The following RPS6KA5 variants were observed in gnomAD, a reference collection of about 807,000 sequenced individuals.
RPS6KA5 encodes ribosomal protein S6 kinase alpha-5.
Under a neutral mutation model 85.5 loss-of-function variants are expected in RPS6KA5, and 27 were observed. The observed-to-expected ratio is 0.32, with a 90% CI of 0.23 to 0.44. The LOEUF is 0.44. Among genes scored for constraint, RPS6KA5 ranks in the 20% least tolerant of loss-of-function variants. The pLI, the probability that RPS6KA5 is intolerant of heterozygous loss-of-function variation, is 1.00. For synonymous variants in RPS6KA5, 334 were observed against 348.2 expected (o/e 0.96, Z 0.46); for missense variants, 811 against 980.9 (o/e 0.83, Z 2.31).
intron 1 of RPS6KA5, among the ~76,000 whole-genome samples, chr14:91,007,401 T>C (rs924045435): frequency 6.6e-6 from 1 of 152,234 alleles, no homozygotes; most frequent in East Asian, 1.9e-4. Context: ...TTGTTAAATA[T>C]TAGTAAATTT....
At chr14:90,951,211 C>T (rs1172027634) in intron 3 of RPS6KA5, among the ~76,000 whole-genome samples, 3 of 150,278 alleles carry the variant, frequency 2.0e-5, no homozygotes, top group Admixed American at 1.3e-4. Flanking sequence ...AGGCTGGGCG[C>T]GGTGGCTCAC....
chr14:91,001,174 G>C lies in RPS6KA5; in HGVS notation c.104-15C>G. ...TGTCAAATTAGCTAAAAGAAAAAAA[G>C]AGGAAAAAAAAAACAAGAGGGTCAG... On this transcript the variant is annotated splice_polypyrimidine_tract_variant and intron_variant, in intron 1 of 16. Transcript: ENST00000614987. The C allele has an allele frequency of 6.4e-7, 1 of 1,555,594 alleles. No homozygotes were observed.
intron 7 of RPS6KA5, among the ~76,000 whole-genome samples, chr14:90,910,951 C>G (rs1016939763): frequency 6.6e-6 from 1 of 152,126 alleles, no homozygotes; most frequent in African/African-American, 2.4e-5. Context: ...TCCCAAAGTG[C>G]TGGGATTACA....
chr14:91,010,875 A>G (rs1286143), intron 1 of RPS6KA5, among the ~76,000 whole-genome samples: 123,514 of 152,128 alleles, frequency 0.81, 50,780 homozygotes, highest in East Asian at 0.97. Flanking sequence ...GGGACAGAAG[A>G]GACTCAAGAA....
chr14:90,928,556 T>C (rs2036803650), intron 5 of RPS6KA5, among the ~76,000 whole-genome samples: 1 of 151,764 alleles, frequency 6.6e-6, no homozygotes. Flanking sequence ...AACATTACTA[T>C]AGTTACAGAG....
intron 3 of RPS6KA5, among the ~76,000 whole-genome samples, chr14:90,970,107 CA>C (rs1298618293): frequency 1.3e-5 from 2 of 152,122 alleles, no homozygotes; most frequent in Non-Finnish European, 2.9e-5. Flanking sequence ...AATGTCATGC[CA>C]AAACCATCTC....
In RPS6KA5 at chr14:90,969,783, T is replaced by C. The variant is rs116536860; in HGVS notation, c.394+8523A>G. Among the ~76,000 whole-genome samples, 358 of 152,336 alleles carry C rather than the reference T, an allele frequency of 2.4e-3. 5 individuals carry two copies. Among genetic ancestry groups the C allele is most frequent in the African/African-American group, 8.1e-3 (336 of 41,586 alleles). ...GAATTTCTCTCTCTCATATTTCTTC[T>C]TAAATGGTGGCACCTTCCAAAGAGC... is the stretch of plus-strand genomic sequence containing the variant. On this transcript the variant is annotated intron_variant, in intron 3 of 16. Coordinates refer to ENST00000614987, the MANE Select transcript of RPS6KA5 (RefSeq NM_004755.4).
Position 90,865,571 on chromosome 14 carries a change from T to A in RPS6KA5, c.*6503A>T, listed in dbSNP as rs1395645164. 1.3e-5 allele frequency: 2 copies of A among 152,230 alleles called. No individual in the cohort carries two copies. Among genetic ancestry groups the A allele is most frequent in the African/African-American group, 4.8e-5 (2 of 41,456 alleles). The allele number at this position is 152,230 out of a possible 1,614,324, so 9.4% of individuals were successfully genotyped here. Reference sequence around the variant, plus strand: ...GTAAACATTTATTGAGCTGTATATTTCAGACCTGTGCACTTTACACACCAT... The same window carrying A: ...GTAAACATTTATTGAGCTGTATATTACAGACCTGTGCACTTTACACACCAT... On this transcript the variant is annotated 3_prime_UTR_variant, in exon 17 of 17. Transcript: ENST00000614987.
chr14:91,048,635 CATA>C (rs1315923785), intron 1 of RPS6KA5, among the ~76,000 whole-genome samples: 1 of 152,140 alleles, frequency 6.6e-6, no homozygotes, highest in East Asian at 1.9e-4. Context: ...TAGAAACAAA[CATA>C]ATGAGGCCAA....
chr14:90,888,174 C>A (rs1436667075), intron 14 of RPS6KA5, among the ~76,000 whole-genome samples: 1 of 151,772 alleles, frequency 6.6e-6, no homozygotes, highest in Non-Finnish European at 1.5e-5. Context: ...GTTTTTTTGT[C>A]CTATTTTTCT....
intron 1 of RPS6KA5, among the ~76,000 whole-genome samples, chr14:91,034,933 A>G (rs1452393918): frequency 1.3e-5 from 2 of 152,144 alleles, no homozygotes. Flanking sequence ...AAGAAAAAAA[A>G]AACAGTTTGC....
chr14:90,923,654 A>T (rs2036517668), intron 5 of RPS6KA5, among the ~76,000 whole-genome samples: 1 of 152,196 alleles, frequency 6.6e-6, no homozygotes, highest in South Asian at 2.1e-4. Flanking sequence ...TTGAAGGGGT[A>T]GGAAAGACCA....
intron 1 of RPS6KA5, among the ~76,000 whole-genome samples, chr14:91,043,953 G>A (rs2042699447): frequency 1.3e-5 from 2 of 152,144 alleles, no homozygotes; most frequent in African/African-American, 4.8e-5. Flanking sequence ...TAGGCAGGAC[G>A]CAGTGGCTCA....
chr14:90,954,054 G>A, intron 3 of RPS6KA5, among the ~76,000 whole-genome samples: 1 of 152,046 alleles, frequency 6.6e-6, no homozygotes, highest in East Asian at 1.9e-4. Context: ...TGGCTTTAAG[G>A]CTCAGGTGGG....
At chr14:90,881,525 A>G (rs2033837522) in intron 14 of RPS6KA5, among the ~76,000 whole-genome samples, 1 of 150,984 alleles carries the variant, frequency 6.6e-6, no homozygotes, top group Non-Finnish European at 1.5e-5. Context: ...TCTGAGACGG[A>G]GTTTCGCTCT....
rs1273143766 is a variant in RPS6KA5 at position 90,966,278 on chromosome 14, T to C, written c.394+12028A>G. ...ATGATGTTTAACTATCATCATGTTGTTGAGTACAGGAAGGTGGTCTTCTGT... is the reference window on the plus strand; with the variant it reads ...ATGATGTTTAACTATCATCATGTTGCTGAGTACAGGAAGGTGGTCTTCTGT... On this transcript the variant is annotated intron_variant, in intron 3 of 16. Transcript: ENST00000614987. Among the ~76,000 whole-genome samples the C allele has an allele frequency of 2.0e-5, 3 of 152,330 alleles. No homozygotes were observed. The East Asian group carries it at 5.8e-4, about 29-fold the overall frequency.
intron 7 of RPS6KA5, among the ~76,000 whole-genome samples, chr14:90,907,194 A>T (rs1036415968): frequency 3.3e-5 from 5 of 152,224 alleles, no homozygotes; most frequent in African/African-American, 1.2e-4. Flanking sequence ...GGGTTTGCAA[A>T]AAGATTCCCT....
At chr14:90,978,617 T>C (rs2039665076) in intron 2 of RPS6KA5, 93 bp from the exon 3 acceptor site, 1 of 943,872 alleles carries the variant, frequency 1.1e-6, no homozygotes, top group East Asian at 2.7e-5. Context: ...GCACAAAAAA[T>C]ACACTCTTTA....
At chr14:90,922,378 T>A (rs185568553) in intron 6 of RPS6KA5, among the ~76,000 whole-genome samples, 1 of 152,234 alleles carries the variant, frequency 6.6e-6, no homozygotes, top group African/African-American at 2.4e-5. Context: ...CAGTTTTACA[T>A]GCCGTGACCC....
Sources: gnomAD v4.1 joint callset for allele counts (sites outside exome capture counted in the v4.1 genomes callset) on GRCh38, gnomAD v4.1.1 for gene constraint, MANE v1.5 for transcripts, NCBI Gene and HGNC (gene_info 2026-07-23, HGNC 2026-07-21) for gene names.